SLIT2: variants seen among roughly 807,000 people sequenced by gnomAD.
SLIT2 encodes the protein slit homolog 2 protein.
A neutral mutation model predicts 185.7 loss-of-function variants in SLIT2; 41 were observed. That is an observed-to-expected ratio of 0.22 (90% CI 0.17 to 0.29). The LOEUF is 0.29. SLIT2 is among the 10% of genes least tolerant of loss of function. The pLI is 1.00. For synonymous variants in SLIT2, 693 were observed against 680.2 expected (o/e 1.02, Z -0.29); for missense variants, 1,571 against 1,909.0 (o/e 0.82, Z 3.30).
intron 29 of SLIT2, among the ~76,000 whole-genome samples, chr4:20,582,632 T>C (rs939034428): frequency 1.3e-5 from 2 of 152,190 alleles, no homozygotes; most frequent in Non-Finnish European, 2.9e-5. Flanking sequence ...AATTTCTTTT[T>C]CCCTTGTTCA....
chr4:20,339,952 C>T (rs1377333835), intron 4 of SLIT2, among the ~76,000 whole-genome samples: 1 of 152,184 alleles, frequency 6.6e-6, no homozygotes, highest in African/African-American at 2.4e-5. Context: ...TTCTAATTGC[C>T]TTTAAGTATA....
rs1306884864 is a variant in SLIT2, at chr4:20,252,614, A to G, written c.-1202A>G. ...CGGCCGTGGCTCTGCGCCCTCCGGA[A>G]CCCGGCTCTTGTTTCTTCTACCTTT... is the stretch of plus-strand genomic sequence containing the variant. On this transcript the variant is annotated 5_prime_UTR_variant, in exon 1 of 37. Transcript: ENST00000504154. Among the ~76,000 whole-genome samples the G allele has an allele frequency of 6.6e-6, 1 of 152,312 alleles. No individual in the cohort carries two copies. Among genetic ancestry groups the G allele is most frequent in the East Asian group, 1.9e-4 (1 of 5,154 alleles).
intron 4 of SLIT2, among the ~76,000 whole-genome samples, chr4:20,353,587 G>A (rs572363876): frequency 2.2e-4 from 34 of 152,122 alleles, no homozygotes; most frequent in South Asian, 6.2e-4. Flanking sequence ...TTATTACACC[G>A]TATTCAAAAT....
At chr4:20,374,201 G>C (rs1289675507) in intron 4 of SLIT2, among the ~76,000 whole-genome samples, 1 of 152,066 alleles carries the variant, frequency 6.6e-6, no homozygotes, top group Non-Finnish European at 1.5e-5. Context: ...AGGGTGTCTG[G>C]AGGAATGAAC....
At chr4:20,311,192 A>G (rs1718073650) in intron 4 of SLIT2, among the ~76,000 whole-genome samples, 1 of 152,218 alleles carries the variant, frequency 6.6e-6, no homozygotes, top group African/African-American at 2.4e-5. Flanking sequence ...CCAGGCCTGA[A>G]CTCAATATTT....
At chr4:20,345,125 A>G (rs1202975677) in intron 4 of SLIT2, among the ~76,000 whole-genome samples, 5 of 152,254 alleles carry the variant, frequency 3.3e-5, no homozygotes, top group Admixed American at 3.3e-4. Flanking sequence ...AAATCAAATT[A>G]AATTTGATTT....
intron 4 of SLIT2, among the ~76,000 whole-genome samples, chr4:20,330,256 G>T (rs1719950888): frequency 6.6e-6 from 1 of 152,004 alleles, no homozygotes; most frequent in African/African-American, 2.4e-5. Flanking sequence ...GAGGCAACAT[G>T]GCTCAAATTA....
chr4:20,608,588 A>C (rs1728963501), intron 33 of SLIT2, among the ~76,000 whole-genome samples: 1 of 152,178 alleles, frequency 6.6e-6, no homozygotes, highest in African/African-American at 2.4e-5. Flanking sequence ...ATTCCTGTAC[A>C]CGTGGACTCT....
intron 4 of SLIT2, chr4:20,393,475 A>C (rs1725611097): frequency 6.6e-6 from 1 of 152,022 alleles, no homozygotes; most frequent in African/African-American, 2.4e-5. Flanking sequence ...TTAATAAATA[A>C]TTTTTGCTCT....
intron 4 of SLIT2, among the ~76,000 whole-genome samples, chr4:20,429,718 CAACTGCATTTGAGAGAG>C (rs1284685532): frequency 1.3e-5 from 2 of 152,078 alleles, no homozygotes; most frequent in African/African-American, 4.8e-5. Flanking sequence ...AACAAAGAAT[CAACTGCATTTGAGAGAG>C]AGAAATCAGG....
intron 34 of SLIT2, among the ~76,000 whole-genome samples, chr4:20,612,117 C>G (rs924377759): frequency 6.6e-6 from 1 of 151,816 alleles, no homozygotes; most frequent in Non-Finnish European, 1.5e-5. Context: ...GTGGCTCACA[C>G]CCATAATCTC....
intron 21 of SLIT2, among the ~76,000 whole-genome samples, chr4:20,543,076 T>A (rs1722957542): frequency 6.6e-6 from 1 of 150,734 alleles, no homozygotes; most frequent in Admixed American, 6.6e-5. Context: ...ACAGGAAACT[T>A]TTTTTTTTAC....
chr4:20,610,087 T>G lies in SLIT2; in HGVS notation c.3767T>G (p.Val1256Gly), dbSNP rs1729099984. The change falls in exon 34 of 37, where the codon GTG becomes GGG. Residue 1256 changes from valine (V) to glycine (G), a missense_variant. Around this residue, in one of 3 missense-constraint regions of SLIT2, gnomAD observed 146 missense variants for 247.4 expected, o/e 0.59. Transcript: ENST00000504154. Reference sequence around the variant, plus strand: ...TTGGATCAGAGTCTCTCTTTGTCCGTGGATGGTGGGAACCCCAAAATCATC... The same window carrying G: ...TTGGATCAGAGTCTCTCTTTGTCCGGGGATGGTGGGAACCCCAAAATCATC... ...LALDQSLSLS[V>G]DGGNPKIITN... 6.2e-7 allele frequency: 1 copy of G among 1,613,752 alleles called. No homozygotes were observed. The highest frequency in any genetic ancestry group is 8.5e-7 in the Non-Finnish European group (1 of 1,179,808).
At chr4:20,354,352 G>A (rs191221116) in intron 4 of SLIT2, among the ~76,000 whole-genome samples, 1 of 152,102 alleles carries the variant, frequency 6.6e-6, no homozygotes, top group Admixed American at 6.5e-5. Context: ...CCTCCAGATG[G>A]CAGTGACATT....
intron 9 of SLIT2, among the ~76,000 whole-genome samples, chr4:20,494,063 A>G (rs1718016011): frequency 6.6e-6 from 1 of 152,222 alleles, no homozygotes. Flanking sequence ...TTTATTTGGA[A>G]TGCATTTGAG....
chr4:20,385,283 T>TA (rs1216448348), intron 4 of SLIT2, among the ~76,000 whole-genome samples: 1 of 152,204 alleles, frequency 6.6e-6, no homozygotes, highest in Non-Finnish European at 1.5e-5. Flanking sequence ...ATTTGTAAAT[T>TA]ATTTCATCTA....
At chr4:20,563,987 C>T (rs1724893151) in intron 26 of SLIT2, among the ~76,000 whole-genome samples, 1 of 151,796 alleles carries the variant, frequency 6.6e-6, no homozygotes, top group Non-Finnish European at 1.5e-5. Context: ...AAGATTGCTA[C>T]ATATTATGGA....
chr4:20,539,686 GT>G, intron 19 of SLIT2, 102 bp downstream of exon 19: 1 of 773,282 alleles, frequency 1.3e-6, no homozygotes, highest in Non-Finnish European at 1.8e-6. Flanking sequence ...GTGATCAAGG[GT>G]TTTAGGACTT....
chr4:20,513,859 G>C lies in SLIT2; in HGVS notation c.1058+2722G>C, dbSNP rs141079555. Among the ~76,000 whole-genome samples the C allele has an allele frequency of 8.3e-4, 126 of 152,194 alleles. 1 individual carries two copies. The Middle Eastern group carries it at 0.014, about 17-fold the overall frequency. On this transcript the variant is annotated intron_variant, in intron 11 of 36. Coordinates refer to ENST00000504154, the MANE Select transcript of SLIT2 (RefSeq NM_004787.4). ...GAAAGGCATTCAAGACAGAGGGAAC[G>C]GTTAAGTACTAAGGACGTTTAGCAG...
Sources: gnomAD v4.1 joint callset for allele counts (sites outside exome capture counted in the v4.1 genomes callset) on GRCh38, gnomAD v4.1.1 for gene constraint, gnomAD v4.1.1 regional missense constraint, MANE v1.5 for transcripts, NCBI Gene and HGNC (gene_info 2026-07-23, HGNC 2026-07-21) for gene names.